IGSF22: variants seen among roughly 807,000 people sequenced by gnomAD.
IGSF22 encodes immunoglobulin superfamily, member 22.
A neutral mutation model predicts 127.0 loss-of-function variants in IGSF22; 119 were observed. The observed-to-expected ratio is 0.94, with a 90% confidence interval of 0.81 to 1.09. The LOEUF is 1.09. Among genes scored for constraint, IGSF22 ranks in the 50% least tolerant of loss-of-function variants. IGSF22 has a pLI of 0.00. For missense variants in IGSF22, 1,518 were observed against 1,716.6 expected, an observed-to-expected ratio of 0.88 and a Z score of 2.04; for synonymous variants, 568 against 664.7, an observed-to-expected ratio of 0.85 and a Z score of 2.24.
At chr11:18,724,394 G>C (rs1224008894) in intron 1 of IGSF22, 125 bp from the exon 2 acceptor site, 1 of 542,754 alleles carries the variant, frequency 1.8e-6, no homozygotes, top group African/African-American at 1.9e-5. Flanking sequence ...GAGAGCAGTC[G>C]AGCTCTCTTT....
intron 7 of IGSF22, among the ~76,000 whole-genome samples, chr11:18,719,409 C>A (rs1226480345): frequency 3.9e-5 from 6 of 151,966 alleles, no homozygotes; most frequent in Non-Finnish European, 8.8e-5. Flanking sequence ...TCAGGTGATC[C>A]ACCCACCTTG....
At chr11:18,710,234 C>T (rs1848325820) in intron 17 of IGSF22, 93 bp downstream of exon 17, 1 of 1,518,532 alleles carries the variant, frequency 6.6e-7, no homozygotes, top group Non-Finnish European at 9.0e-7. Flanking sequence ...GACTGTGATA[C>T]CTCGTGTCAT....
At chr11:18,721,853 G>A (rs1361227283) in intron 3 of IGSF22, 57 bp downstream of exon 3, 1 of 1,604,914 alleles carries the variant, frequency 6.2e-7, no homozygotes, top group Non-Finnish European at 8.5e-7. Flanking sequence ...GGAGGGTGGG[G>A]GCACTCGATT....
rs1848615026 is a variant in IGSF22, at chr11:18,724,124, T to C, written c.109+4A>G. On this transcript the variant is annotated splice_donor_region_variant and intron_variant, in intron 2 of 22. Transcript: ENST00000513874. ...GATCCCTTCCCTGCCCCCATTCCAC[T>C]TGCCTCCCACGATCTTGGTTGTCTG... is the stretch of plus-strand genomic sequence containing the variant. 1 of 1,609,534 alleles carries C rather than the reference T, an allele frequency of 6.2e-7. No individual in the cohort carries two copies. Among genetic ancestry groups the C allele is most frequent in the African/African-American group, 1.3e-5 (1 of 74,870 alleles).
Position 18,706,111 on chromosome 11 carries a change from T to A in IGSF22, c.3616A>T (p.Lys1206Ter), listed in dbSNP as rs1370204701. 1.9e-6 allele frequency: 3 copies of A among 1,545,624 alleles called. No homozygotes were observed. In the South Asian group the frequency reaches 3.6e-5, roughly 18 times the overall value. Residue 1206 changes from lysine to a stop codon, truncating the protein, a stop_gained, in exon 22 of 23, where the codon AAG (lysine) becomes TAG (stop). Coordinates refer to ENST00000513874, the MANE Select transcript of IGSF22 (RefSeq NM_173588.4). LOFTEE classifies it high-confidence loss of function. ...CGCGGCGCGTGGCGCCAGTCCTTCT[T>A]CTCGTAGGGCTTGAGCTTGGCGCTC... Reference protein sequence around the residue: ...DLSAKLKPYEKKDWRHAPRFV... With the variant: ...DLSAKLKPYE
intron 6 of IGSF22, 82 bp downstream of exon 6, chr11:18,719,982 A>C: frequency 6.2e-7 from 1 of 1,609,716 alleles, no homozygotes; most frequent in Non-Finnish European, 8.5e-7. Flanking sequence ...CTTGGAACTC[A>C]GGGCCTTGTT....
chr11:18,704,322 T>G lies in IGSF22; in HGVS notation c.*146A>C. ...CCCTCAGGAACGGGAAAGGATGAGTTACGTTTATTGCCCCATCCCTTCACT... is the reference window on the plus strand; with the variant it reads ...CCCTCAGGAACGGGAAAGGATGAGTGACGTTTATTGCCCCATCCCTTCACT... On this transcript the variant is annotated 3_prime_UTR_variant, in exon 23 of 23. Coordinates refer to ENST00000513874, the MANE Select transcript of IGSF22 (RefSeq NM_173588.4). 1.5e-6 allele frequency: 1 copy of G among 646,154 alleles called. No homozygotes were observed. The highest frequency in any genetic ancestry group is 2.8e-6 in the Non-Finnish European group (1 of 355,466). 40.0% of individuals were successfully genotyped at this position (646,154 alleles called of 1,614,324 possible). A position where few individuals can be genotyped will look rare whatever the true frequency, so the allele number is the denominator to read the frequency against.
At chr11:18,719,198 G>A (rs745365266) in intron 7 of IGSF22, among the ~76,000 whole-genome samples, 3 of 152,196 alleles carry the variant, frequency 2.0e-5, no homozygotes, top group Non-Finnish European at 4.4e-5. Context: ...AGGCTGGAGT[G>A]CAGTGGCGTG....
In IGSF22 at chr11:18,716,364, C is replaced by G. The variant is rs561674991; in HGVS notation, c.1246+364G>C. On this transcript the variant is annotated intron_variant, in intron 10 of 22. Coordinates refer to ENST00000513874, the MANE Select transcript of IGSF22 (RefSeq NM_173588.4). This position sits in a 1 kb window ranked among gnomAD's most constrained non-coding sequence, Gnocchi z 4.5. ...CTCATTGGTGTACCTACATTATGTG[C>G]GAACTCCCAAAGTAGTTGTGATAGC... Among the ~76,000 whole-genome samples, 33 of 152,164 alleles carry G rather than the reference C, an allele frequency of 2.2e-4. 1 individual carries two copies. In the South Asian group the frequency reaches 6.6e-3, roughly 31 times the overall value.
intron 14 of IGSF22, among the ~76,000 whole-genome samples, chr11:18,713,143 T>G (rs1314211492): frequency 1.4e-5 from 2 of 142,150 alleles, no homozygotes; most frequent in Admixed American, 7.6e-5. Flanking sequence ...TCTTTTTTGT[T>G]GTTGTTTCTT....
At chr11:18,710,870 A>T (rs766532216) in intron 15 of IGSF22, 42 bp from the exon 16 acceptor site, 1 of 1,552,104 alleles carries the variant, frequency 6.4e-7, no homozygotes, top group Non-Finnish European at 8.9e-7. Context: ...GAGGGGGAGC[A>T]TGTAGATATT....
At chr11:18,714,931 A>G (rs1434380830) in intron 11 of IGSF22, among the ~76,000 whole-genome samples, 1 of 151,976 alleles carries the variant, frequency 6.6e-6, no homozygotes, top group African/African-American at 2.4e-5. Context: ...GGGACTTAGG[A>G]TGCTGGGTTG....
rs1391533501 is a variant in IGSF22, at chr11:18,720,220, A to T, written c.444T>A (p.Asp148Glu). The change falls in exon 5 of 23, where the codon GAT becomes GAA. Residue 148 changes from aspartate to glutamate, a missense_variant. Asp to Glu is a conservative substitution (Grantham distance 45). Around this residue, in one of 3 missense-constraint regions of IGSF22, gnomAD observed 1,456 missense variants for 1,644.9 expected, o/e 0.89. Coordinates refer to ENST00000513874, the MANE Select transcript of IGSF22 (RefSeq NM_173588.4). ...CCAGCAGAGATACGGTATAGATGGC[A>T]TCTGCATGGTCATTGCTTGCAATGC... ...YKCIASNDHADAIYTVSLLVT... is the reference protein window; with the variant it reads ...YKCIASNDHAEAIYTVSLLVT... 2 of 1,614,240 alleles carry T rather than the reference A, an allele frequency of 1.2e-6. No homozygotes were observed. The highest frequency in any genetic ancestry group is 4.5e-5 in the East Asian group (2 of 44,882).
At position 18,719,904 on chromosome 11, in the gene IGSF22, G is replaced by A. The variant is rs533516999; in HGVS notation, c.519-11C>T. The A allele has an allele frequency of 1.2e-6, 2 of 1,614,058 alleles. No individual in the cohort carries two copies. Among genetic ancestry groups the A allele is most frequent in the Non-Finnish European group, 1.7e-6 (2 of 1,179,982 alleles). ...GGAGCAGGGGGTGCCCTAGGAGAAGGAGGAAGGGACTAAGCTTGTACACAA... is the reference window on the plus strand; with the variant it reads ...GGAGCAGGGGGTGCCCTAGGAGAAGAAGGAAGGGACTAAGCTTGTACACAA... On this transcript the variant is annotated splice_polypyrimidine_tract_variant and intron_variant, in intron 6 of 22. Transcript: ENST00000513874.
intron 20 of IGSF22, chr11:18,707,521 C>T: frequency 1.9e-6 from 1 of 532,588 alleles, no homozygotes; most frequent in Non-Finnish European, 3.3e-6. Context: ...CCATTCCTTC[C>T]TTGGGGGTTT....
At chr11:18,710,052 C>A (rs913025164) in intron 17 of IGSF22, among the ~76,000 whole-genome samples, 3 of 152,172 alleles carry the variant, frequency 2.0e-5, no homozygotes, top group Non-Finnish European at 2.9e-5. Context: ...CACACCCTTA[C>A]TCAACCCTCA....
chr11:18,723,567 A>T (rs1848606376), intron 2 of IGSF22, among the ~76,000 whole-genome samples: 1 of 152,216 alleles, frequency 6.6e-6, no homozygotes, highest in Admixed American at 6.5e-5. Flanking sequence ...TCCACTAGAG[A>T]CGTGACTAAA....
chr11:18,705,574 G>C, intron 22 of IGSF22: 1 of 556,902 alleles, frequency 1.8e-6, no homozygotes, highest in South Asian at 2.1e-5. Context: ...GGCTCACCAA[G>C]AGTTGCAAAC....
In IGSF22 at chr11:18,707,916, G is replaced by T; in HGVS notation, c.3168C>A (p.Asn1056Lys). 6.2e-7 allele frequency: 1 copy of T among 1,614,208 alleles called. No individual in the cohort carries two copies. The highest frequency in any genetic ancestry group is 1.1e-5 in the South Asian group (1 of 91,080). ...KGRETITKSK[N>K]HSQFLINSTK... ...TGCTATTAATGAGGAACTGGGAGTG[G>T]TTTTTGCTCTTGGTAATTGTCTCTC... The change falls in exon 20 of 23, where the codon AAC becomes AAA. Residue 1056 changes from asparagine (N) to lysine (K), a missense_variant. This residue lies in a region of IGSF22 where 1,456 missense variants were observed against 1,644.9 expected (regional missense o/e 0.89). Transcript: ENST00000513874.
Sources: allele counts gnomAD v4.1 joint callset (sites outside exome capture counted in the v4.1 genomes callset), GRCh38; gene constraint gnomAD v4.1.1; regional missense constraint gnomAD v4.1.1; non-coding constraint Gnocchi (gnomAD v3.1); transcripts MANE v1.5; gene names NCBI Gene and HGNC (gene_info 2026-07-23, HGNC 2026-07-21).